CROCC2: variants seen among roughly 807,000 people sequenced by gnomAD.
CROCC2 encodes ciliary rootlet coiled-coil, rootletin family member 2, also known as ciliary rootlet coiled-coil protein 2.
Under a neutral mutation model 177.6 loss-of-function variants are expected in CROCC2, and 163 were observed. That is an observed-to-expected ratio of 0.92 (90% CI 0.81 to 1.05). The LOEUF is 1.05. Ranked by LOEUF, CROCC2 falls within the 50% of genes least tolerant of loss-of-function variation. The pLI, the probability that CROCC2 is intolerant of heterozygous loss-of-function variation, is 0.00. For missense variants in CROCC2, 1,929 were observed against 1,797.8 expected (o/e 1.07, Z -1.32); for synonymous variants, 904 against 787.3 (o/e 1.15, Z -2.48).
intron 5 of CROCC2, among the ~76,000 whole-genome samples, chr2:240,929,520 A>C (rs1260262148): frequency 1.3e-5 from 2 of 149,326 alleles, no homozygotes; most frequent in East Asian, 4.0e-4. Context: ...CCCCACACAG[A>C]GTCCTCCCAC....
intron 27 of CROCC2, among the ~76,000 whole-genome samples, chr2:240,975,537 G>C (rs1026251028): frequency 6.6e-5 from 10 of 152,142 alleles, no homozygotes; most frequent in African/African-American, 2.2e-4. Context: ...GGATGGATTT[G>C]GCGAGTGTTT....
At chr2:240,928,636 G>A (rs955526948) in intron 5 of CROCC2, among the ~76,000 whole-genome samples, 5 of 152,200 alleles carry the variant, frequency 3.3e-5, no homozygotes, top group African/African-American at 9.7e-5. Flanking sequence ...AAGTGTCTCA[G>A]CCTGCTCTTG....
At position 240,932,687 on chromosome 2, in the gene CROCC2, C is replaced by T. The variant is rs1223662538; in HGVS notation, c.1045-15C>T. 4.1e-6 allele frequency: 3 copies of T among 731,598 alleles called. No individual in the cohort carries two copies. Among genetic ancestry groups the T allele is most frequent in the Non-Finnish European group, 7.5e-6 (3 of 398,098 alleles). 45.3% of individuals were successfully genotyped at this position (731,598 alleles called of 1,614,324 possible). On this transcript the variant is annotated splice_polypyrimidine_tract_variant and intron_variant, in intron 8 of 31. Transcript: ENST00000690015. ...GCTCTGGGCCCCTCTATCCCTTCCT[C>T]TCTGCACCTTGAAGGTGGCCCAGGA...
chr2:240,949,602 T>C lies in CROCC2; in HGVS notation c.2552T>C (p.Leu851Pro), dbSNP rs1441326138. The C allele has an allele frequency of 3.9e-6, 6 of 1,550,162 alleles. No homozygotes were observed. The African/African-American group carries it at 8.2e-5, about 21-fold the overall frequency. Reference sequence around the variant, plus strand: ...AAGCTGCGGCAGGACACGGTGCGGCTCCAGCGACAGGTGGCACAGCAGGAG... The same window carrying C: ...AAGCTGCGGCAGGACACGGTGCGGCCCCAGCGACAGGTGGCACAGCAGGAG... Reference protein sequence around the residue: ...EMKLRQDTVRLQRQVAQQERE... With the variant: ...EMKLRQDTVRPQRQVAQQERE... The change falls in exon 17 of 32, where the codon CTC (leucine) becomes CCC (proline). Residue 851 changes from leucine (L) to proline (P), a missense_variant. Around this residue, in one of 3 missense-constraint regions of CROCC2, gnomAD observed 1,397 missense variants for 1,239.9 expected, o/e 1.13. Coordinates refer to ENST00000690015, the MANE Select transcript of CROCC2 (RefSeq NM_001351305.2). The surrounding 1 kb of genome is among the most constrained non-coding windows in gnomAD (Gnocchi z 4.5).
chr2:240,916,639 G>C (rs1402464136), intron 1 of CROCC2, among the ~76,000 whole-genome samples: 2 of 152,020 alleles, frequency 1.3e-5, no homozygotes, highest in East Asian at 1.9e-4. Flanking sequence ...AGCGCCTCTC[G>C]GGACGTCCCG....
chr2:240,961,467 G>A (rs1420740013), intron 20 of CROCC2, among the ~76,000 whole-genome samples: 4 of 151,862 alleles, frequency 2.6e-5, no homozygotes, highest in Admixed American at 2.6e-4. Context: ...TGCATGCACA[G>A]GCATACAGAC....
intron 1 of CROCC2, among the ~76,000 whole-genome samples, chr2:240,916,644 G>A (rs1345363828): frequency 3.9e-5 from 6 of 152,092 alleles, no homozygotes; most frequent in African/African-American, 1.4e-4. Context: ...CTCTCGGGAC[G>A]TCCCGCTAAT....
chr2:240,916,701 C>A (rs1163590949), intron 1 of CROCC2, among the ~76,000 whole-genome samples: 1 of 152,216 alleles, frequency 6.6e-6, no homozygotes, highest in Non-Finnish European at 1.5e-5. Context: ...TTACTCCGCG[C>A]TGCAGCCTTC....
chr2:240,950,564 C>A, intron 18 of CROCC2, 54 bp downstream of exon 18: 1 of 1,504,152 alleles, frequency 6.6e-7, no homozygotes. Flanking sequence ...GCACCTGTCA[C>A]CTCTGGCCCA....
intron 15 of CROCC2, among the ~76,000 whole-genome samples, chr2:240,947,532 G>C (rs935542940): frequency 4.6e-5 from 7 of 152,224 alleles, no homozygotes; most frequent in African/African-American, 1.7e-4. Flanking sequence ...GGCTTGACCT[G>C]AAGCCACGTC....
At chr2:240,952,666 A>G (rs2059564272) in intron 18 of CROCC2, among the ~76,000 whole-genome samples, 1 of 152,246 alleles carries the variant, frequency 6.6e-6, no homozygotes, top group Admixed American at 6.5e-5. Flanking sequence ...AGTTCTGCAC[A>G]GCTGCCAGGC....
At position 240,922,608 on chromosome 2, in the gene CROCC2, G is replaced by A. The variant is rs1483850437; in HGVS notation, c.451G>A (p.Glu151Lys). ...RSELEHSVDL[E>K]EALGRLEAAE... Reference sequence around the variant, plus strand: ...AGAGCTGGAGCACAGCGTGGATCTGGAGGAGGCCCTTGGCCGTCTGGAGGC... The same window carrying A: ...AGAGCTGGAGCACAGCGTGGATCTGAAGGAGGCCCTTGGCCGTCTGGAGGC... The change falls in exon 4 of 32, where the codon GAG becomes AAG. Residue 151 changes from glutamate to lysine, a missense_variant. Glu to Lys is a moderately conservative substitution (Grantham distance 56). Coordinates refer to ENST00000690015, the MANE Select transcript of CROCC2 (RefSeq NM_001351305.2). The A allele has an allele frequency of 2.9e-6, 2 of 681,030 alleles. No individual in the cohort carries two copies. Among genetic ancestry groups the A allele is most frequent in the South Asian group, 3.1e-5 (2 of 65,024 alleles). 42.2% of individuals were successfully genotyped at this position (681,030 alleles called of 1,614,324 possible).
chr2:240,931,565 G>A (rs1206436110), intron 7 of CROCC2, among the ~76,000 whole-genome samples: 1 of 152,224 alleles, frequency 6.6e-6, no homozygotes. Flanking sequence ...TATGAGCCCC[G>A]CCGTGATTGT....
intron 27 of CROCC2, among the ~76,000 whole-genome samples, chr2:240,975,562 C>T (rs1200633569): frequency 6.6e-6 from 1 of 152,134 alleles, no homozygotes; most frequent in Non-Finnish European, 1.5e-5. Flanking sequence ...CGTGTCCTGT[C>T]CTTCTCTGTG....
chr2:240,963,789 A>G lies in CROCC2; in HGVS notation c.3305+16A>G. On this transcript the variant is annotated intron_variant, in intron 21 of 31. Coordinates refer to ENST00000690015, the MANE Select transcript of CROCC2 (RefSeq NM_001351305.2). ...AGAAGGCCAGGTATGGCGGCCACCC[A>G]GGAGCAGCTGGGGGTGCCCTGCAGC... 1 of 1,544,918 alleles carries G rather than the reference A, an allele frequency of 6.5e-7. No individual in the cohort carries two copies. Among genetic ancestry groups the G allele is most frequent in the Non-Finnish European group, 8.7e-7 (1 of 1,143,046 alleles).
chr2:240,992,713 G>C (rs1378209075), intron 31 of CROCC2, among the ~76,000 whole-genome samples: 1 of 152,114 alleles, frequency 6.6e-6, no homozygotes, highest in Non-Finnish European at 1.5e-5. Flanking sequence ...GGCCAGTCAG[G>C]GGTGGAGGAC....
chr2:240,933,231 A>C lies in CROCC2; in HGVS notation c.1352A>C (p.Gln451Pro), dbSNP rs1046500513. The change falls in exon 10 of 32, where the codon CAG (glutamine) becomes CCG (proline). Residue 451 changes from glutamine (Q) to proline (P), a missense_variant. Around this residue, in one of 3 missense-constraint regions of CROCC2, gnomAD observed 1,397 missense variants for 1,239.9 expected, o/e 1.13. Transcript: ENST00000690015. ...GAGCTGTGGGCCGCACAGAAGCTCC[A>C]GCAGGAGCGGGCTCGGGAGCAGGCA... is the stretch of plus-strand genomic sequence containing the variant. The part of the protein sequence containing the change: ...RRELWAAQKL[Q>P]QERAREQARE... 2.3e-5 allele frequency: 36 copies of C among 1,549,676 alleles called. No homozygotes were observed. The African/African-American group carries it at 4.8e-4, about 21-fold the overall frequency.
At chr2:240,968,669 T>A (rs572915214) in intron 27 of CROCC2, among the ~76,000 whole-genome samples, 2 of 152,238 alleles carry the variant, frequency 1.3e-5, no homozygotes, top group African/African-American at 4.8e-5. Flanking sequence ...CTTTATAGGG[T>A]CACACTGTCC....
chr2:240,973,847 C>T lies in CROCC2; in HGVS notation c.4401+5585C>T, dbSNP rs906992201. ...TTATAAAATGAGTTGGTGGGCTTTC[C>T]ACTTTTTCCATCACCTGGAACACTC... is the stretch of plus-strand genomic sequence containing the variant. On this transcript the variant is annotated intron_variant, in intron 27 of 31. Transcript: ENST00000690015. This position sits in a 1 kb window ranked among gnomAD's most constrained non-coding sequence, Gnocchi z 4.7. Among the ~76,000 whole-genome samples the T allele has an allele frequency of 4.6e-5, 7 of 152,188 alleles. No homozygotes were observed. Among genetic ancestry groups the T allele is most frequent in the Non-Finnish European group, 1.0e-4 (7 of 68,036 alleles).
Sources: allele counts gnomAD v4.1 joint callset (sites outside exome capture counted in the v4.1 genomes callset), GRCh38; gene constraint gnomAD v4.1.1; regional missense constraint gnomAD v4.1.1; non-coding constraint Gnocchi (gnomAD v3.1); transcripts MANE v1.5; gene names NCBI Gene and HGNC (gene_info 2026-07-23, HGNC 2026-07-21).